PNPLA8: variants seen among roughly 807,000 people sequenced by gnomAD.
PNPLA8 encodes calcium-independent phospholipase A2-gamma.
A neutral mutation model predicts 76.9 loss-of-function variants in PNPLA8; 39 were observed. The observed-to-expected ratio is 0.51, with a 90% CI of 0.39 to 0.66. The LOEUF (loss-of-function observed/expected upper bound fraction) is 0.66, where lower values mean the gene tolerates loss of function less well. Ranked by LOEUF, PNPLA8 falls within the 30% of genes least tolerant of loss-of-function variation. PNPLA8 has a pLI of 0.00. For missense variants in PNPLA8, 887 were observed against 918.0 expected, an observed-to-expected ratio of 0.97 and a Z score of 0.44; for synonymous variants, 301 against 307.9, an observed-to-expected ratio of 0.98 and a Z score of 0.24.
chr7:108,514,546 C>T lies in PNPLA8; in HGVS notation c.946G>A (p.Asp316Asn), dbSNP rs1238769447. Residue 316 changes from aspartate to asparagine, a missense_variant, in exon 3 of 11, where the codon GAT (aspartate) becomes AAT (asparagine). By Grantham distance (23) the Asp-to-Asn change is conservative (BLOSUM62 1). Transcript: ENST00000257694. ...IGGLVPKLKYDSKSQSEEQEE... is the reference protein window; with the variant it reads ...IGGLVPKLKYNSKSQSEEQEE... Reference sequence around the variant, plus strand: ...TGTTCTTCTGACTGACTCTTTGAATCATACTTTAATTTGGGGACAAGTCCA... The same window carrying T: ...TGTTCTTCTGACTGACTCTTTGAATTATACTTTAATTTGGGGACAAGTCCA... The T allele has an allele frequency of 6.2e-7, 1 of 1,613,782 alleles. No homozygotes were observed. The highest frequency in any genetic ancestry group is 1.3e-5 in the African/African-American group (1 of 74,908).
At chr7:108,475,995 G>A (rs545449377) in intron 10 of PNPLA8, among the ~76,000 whole-genome samples, 11 of 152,098 alleles carry the variant, frequency 7.2e-5, no homozygotes, top group Non-Finnish European at 1.2e-4. Context: ...CCCATATCAA[G>A]TCTACTTTAT....
At chr7:108,514,402 G>T in intron 3 of PNPLA8, 34 bp downstream of exon 3, 1 of 1,569,018 alleles carries the variant, frequency 6.4e-7, no homozygotes, top group South Asian at 1.2e-5. Context: ...TTGACAAAAA[G>T]TAATAGAACC....
chr7:108,505,649 C>T (rs776783709), intron 4 of PNPLA8, among the ~76,000 whole-genome samples: 8 of 151,882 alleles, frequency 5.3e-5, no homozygotes, highest in Admixed American at 3.3e-4. Context: ...GCCTGAGCCA[C>T]GGCGCCTGGC....
intron 8 of PNPLA8, among the ~76,000 whole-genome samples, chr7:108,488,411 C>A (rs1008897843): frequency 1.3e-5 from 2 of 152,150 alleles, no homozygotes; most frequent in Non-Finnish European, 2.9e-5. Context: ...GAAACCCCAA[C>A]TCAACTAAAA....
At chr7:108,510,246 A>G in intron 4 of PNPLA8, 1 of 1,490,720 alleles carries the variant, frequency 6.7e-7, no homozygotes, top group Non-Finnish European at 9.2e-7. Context: ...GTGGGTGTAG[A>G]AGAGAAGAAG....
chr7:108,514,965 T>G lies in PNPLA8; in HGVS notation c.527A>C (p.His176Pro), dbSNP rs146657795. Reference protein sequence around the residue: ...EKSPFPEEKSHIIDKEEDIGK... With the variant: ...EKSPFPEEKSPIIDKEEDIGK... ...TATATCTTCTTCTTTGTCTATAATG[T>G]GACTTTTCTCTTCTGGAAAAGGACT... The change falls in exon 3 of 11, where the codon CAC becomes CCC. Residue 176 changes from histidine to proline, a missense_variant. Physicochemically the swap from His to Pro is moderately conservative, Grantham distance 77. Transcript: ENST00000257694. 2.5e-6 allele frequency: 4 copies of G among 1,609,704 alleles called. No homozygotes were observed. The African/African-American group carries it at 5.3e-5, about 22-fold the overall frequency.
In PNPLA8 at chr7:108,497,518, T is replaced by A; in HGVS notation, c.1418A>T (p.His473Leu). ...ACCACAAATGTAATCAAAGAGCTGA[T>A]GAACTGGCTTCTGAGTAAGTTCAAC... ...KLVELTQKPV[H>L]QLFDYICGVS... The change falls in exon 6 of 11, where the codon CAT becomes CTT. Residue 473 changes from histidine (H) to leucine (L), a missense_variant. Physicochemically the swap from His to Leu is moderately conservative, Grantham distance 99. Coordinates refer to ENST00000257694, the MANE Select transcript of PNPLA8 (RefSeq NM_001256007.3). 4 of 1,612,102 alleles carry A rather than the reference T, an allele frequency of 2.5e-6. No individual in the cohort carries two copies. Among genetic ancestry groups the A allele is most frequent in the Non-Finnish European group, 3.4e-6 (4 of 1,178,800 alleles).
upstream of PNPLA8, among the ~76,000 whole-genome samples, chr7:108,526,844 G>T (rs1398125392): frequency 6.6e-6 from 1 of 152,186 alleles, no homozygotes; most frequent in South Asian, 2.1e-4. Flanking sequence ...CGCAGGTTCT[G>T]CTGTACTAGG....
intron 5 of PNPLA8, among the ~76,000 whole-genome samples, chr7:108,501,811 A>G (rs1353882026): frequency 8.6e-5 from 13 of 151,836 alleles, no homozygotes; most frequent in Admixed American, 8.5e-4. Context: ...GCGACAGAGC[A>G]AGACTCTGTC....
intron 1 of PNPLA8, among the ~76,000 whole-genome samples, chr7:108,524,838 T>C (rs187583902): frequency 6.6e-6 from 1 of 152,130 alleles, no homozygotes; most frequent in Non-Finnish European, 1.5e-5. Flanking sequence ...GGAAGGTGTC[T>C]ATGGCTCAGC....
intron 5 of PNPLA8, among the ~76,000 whole-genome samples, chr7:108,499,497 G>T (rs897420568): frequency 2.0e-5 from 3 of 152,162 alleles, no homozygotes; most frequent in Non-Finnish European, 4.4e-5. Flanking sequence ...CATCTGGGCT[G>T]CTTTCCCATA....
intron 5 of PNPLA8, among the ~76,000 whole-genome samples, chr7:108,501,290 G>A (rs1306400405): frequency 1.3e-5 from 2 of 152,152 alleles, no homozygotes; most frequent in Non-Finnish European, 2.9e-5. Flanking sequence ...CCAACAAGTT[G>A]GAAGGAACTA....
intron 5 of PNPLA8, 133 bp downstream of exon 5, chr7:108,502,358 G>C: frequency 1.5e-6 from 1 of 675,288 alleles, no homozygotes; most frequent in Non-Finnish European, 2.3e-6. Context: ...CAGGAGAATC[G>C]CTTGAACCTG....
chr7:108,509,028 A>G (rs1862682192), intron 4 of PNPLA8, among the ~76,000 whole-genome samples: 1 of 119,890 alleles, frequency 8.3e-6, no homozygotes, highest in Non-Finnish European at 1.8e-5. Flanking sequence ...AATCAATTCA[A>G]GATGGATTAA....
chr7:108,506,271 G>A (rs1424950012), intron 4 of PNPLA8, among the ~76,000 whole-genome samples: 1 of 152,014 alleles, frequency 6.6e-6, no homozygotes, highest in African/African-American at 2.4e-5. Context: ...CCAGCTACTC[G>A]GGAGGCTGAG....
chr7:108,479,370 A>T lies in PNPLA8; in HGVS notation c.1888T>A (p.Leu630Met), dbSNP rs766150188. Residue 630 changes from leucine to methionine, a missense_variant, in exon 10 of 11, where the codon TTG becomes ATG. Physicochemically the swap from Leu to Met is conservative, Grantham distance 15. Coordinates refer to ENST00000257694, the MANE Select transcript of PNPLA8 (RefSeq NM_001256007.3). Reference protein sequence around the residue: ...LGNDLHQDGGLLLNNPSALAM... With the variant: ...LGNDLHQDGGMLLNNPSALAM... ...AATGCCGAAGGGTTATTCAGAAGCA[A>T]ACCTCCATCCTGCAAAATACAAGTT... 6.2e-7 allele frequency: 1 copy of T among 1,609,480 alleles called. No individual in the cohort carries two copies. Among genetic ancestry groups the T allele is most frequent in the Admixed American group, 1.7e-5 (1 of 59,430 alleles).
intron 5 of PNPLA8, among the ~76,000 whole-genome samples, chr7:108,498,822 A>C (rs1031413054): frequency 2.0e-5 from 3 of 152,210 alleles, no homozygotes; most frequent in African/African-American, 7.2e-5. Flanking sequence ...AATTTTTAAC[A>C]GTGGGAGAAT....
rs578110967 is a variant in PNPLA8, at chr7:108,515,232, C to T, written c.260G>A (p.Ser87Asn). 6.9e-6 allele frequency: 11 copies of T among 1,601,762 alleles called. No homozygotes were observed. The highest frequency in any genetic ancestry group is 1.7e-5 in the Admixed American group (1 of 58,244). The change falls in exon 3 of 11, where the codon AGC becomes AAC. Residue 87 changes from serine (S) to asparagine (N), a missense_variant. Physicochemically the swap from Ser to Asn is conservative, Grantham distance 46. Coordinates refer to ENST00000257694, the MANE Select transcript of PNPLA8 (RefSeq NM_001256007.3). ...TGTAAGTCCCTTGGGAGCAGAAGTG[C>T]TAAGTTTCAAAATCCCAATATGTAA... ...HGLHIGILKL[S>N]TSAPKGLTKV... is the part of the protein sequence containing the mutation.
intron 5 of PNPLA8, among the ~76,000 whole-genome samples, chr7:108,498,199 C>T: frequency 6.6e-6 from 1 of 150,762 alleles, no homozygotes; most frequent in South Asian, 2.1e-4. Flanking sequence ...GAATGCCATA[C>T]CTTGGTTTCC....
Sources: allele counts gnomAD v4.1 joint callset (sites outside exome capture counted in the v4.1 genomes callset), GRCh38; gene constraint gnomAD v4.1.1; transcripts MANE v1.5; gene names NCBI Gene and HGNC (gene_info 2026-07-23, HGNC 2026-07-21).